The following ZDHHC11 variants were observed in gnomAD, a reference collection of about 807,000 sequenced individuals.
ZDHHC11 encodes zDHHC palmitoyltransferase 11.
ZDHHC11 carries 44 observed loss-of-function variants against 51.3 expected under a neutral mutation model. The observed-to-expected ratio is 0.86, with a 90% CI of 0.67 to 1.10. ZDHHC11 has a LOEUF of 1.10. Among genes scored for constraint, ZDHHC11 ranks in the 50% least tolerant of loss-of-function variants. The pLI is 0.00. For missense variants in ZDHHC11, 400 were observed against 537.7 expected (o/e 0.74, Z 2.53); for synonymous variants, 163 against 222.0 (o/e 0.73, Z 2.36).
At chr5:857,336 T>G (rs1748397515) in intron 1 of ZDHHC11, among the ~76,000 whole-genome samples, 3 of 152,108 alleles carry the variant, frequency 2.0e-5, no homozygotes, top group Non-Finnish European at 4.4e-5. Context: ...AGACTGGGAC[T>G]CCATCCTTCT....
At chr5:800,406 A>G (rs1216900683) in intron 12 of ZDHHC11, among the ~76,000 whole-genome samples, 2 of 150,584 alleles carry the variant, frequency 1.3e-5, no homozygotes, top group African/African-American at 4.9e-5. Flanking sequence ...AGCCAAGGTA[A>G]CACCTTAGAG....
At chr5:815,147 TTA>T (rs1415268768) in intron 10 of ZDHHC11, among the ~76,000 whole-genome samples, 1 of 151,190 alleles carries the variant, frequency 6.6e-6, no homozygotes, top group Non-Finnish European at 1.5e-5. Context: ...GAAGGGGAGA[TTA>T]TGACAGAGAC....
chr5:798,135 T>C (rs1192296140), intron 12 of ZDHHC11, among the ~76,000 whole-genome samples: 5 of 149,976 alleles, frequency 3.3e-5, no homozygotes, highest in Non-Finnish European at 5.9e-5. Flanking sequence ...GGTACCGCCC[T>C]CTGGGGGCCC....
In ZDHHC11 at chr5:850,776, T is replaced by A; in HGVS notation, c.-174A>T. ...CCCGCAGAGGGAGCAGGGGCTGGGC[T>A]GGAGTCGGTGCAGGGCCCCGCCCAG... On this transcript the variant is annotated 5_prime_UTR_variant, in exon 1 of 13. Transcript: ENST00000283441. 2.5e-6 allele frequency: 2 copies of A among 789,504 alleles called. No homozygotes were observed. The highest frequency in any genetic ancestry group is 3.9e-6 in the Non-Finnish European group (2 of 506,902). The allele number at this position is 789,504 out of a possible 1,614,324, so 48.9% of individuals were successfully genotyped here.
At chr5:800,127 G>A (rs1738203262) in intron 12 of ZDHHC11, among the ~76,000 whole-genome samples, 1 of 151,308 alleles carries the variant, frequency 6.6e-6, no homozygotes, top group Non-Finnish European at 1.5e-5. Flanking sequence ...GTGCTGCTGG[G>A]AGACCTTGAC....
At chr5:822,632 T>C (rs1419974255) in intron 8 of ZDHHC11, among the ~76,000 whole-genome samples, 1 of 151,376 alleles carries the variant, frequency 6.6e-6, no homozygotes, top group African/African-American at 2.4e-5. Context: ...AGACTTCCAG[T>C]TCTCCAAACT....
At chr5:801,901 C>T (rs1313257786) in intron 11 of ZDHHC11, among the ~76,000 whole-genome samples, 1 of 151,398 alleles carries the variant, frequency 6.6e-6, no homozygotes, top group Non-Finnish European at 1.5e-5. Flanking sequence ...TGATCCAATC[C>T]TTAAAAATTA....
intron 1 of ZDHHC11, 165 bp downstream of exon 1, chr5:850,216 C>G (rs1389433019): frequency 2.7e-6 from 2 of 753,048 alleles, no homozygotes; most frequent in South Asian, 1.8e-5. Context: ...CTGCACAGAG[C>G]ATGAGTGGCC....
At chr5:843,957 G>GCAGGGGC (rs1330427256) in intron 3 of ZDHHC11, among the ~76,000 whole-genome samples, 1 of 86,232 alleles carries the variant, frequency 1.2e-5, no homozygotes, top group Admixed American at 1.1e-4. Context: ...CAGGGCAGGT[G>GCAGGGGC]GGGGGTGCAG....
intron 4 of ZDHHC11, chr5:841,583 C>G (rs1208381544): frequency 8.0e-6 from 8 of 1,000,712 alleles, no homozygotes; most frequent in Non-Finnish European, 9.5e-6. Context: ...CTGCCAGGCC[C>G]CAGCACCCAT....
Position 840,659 on chromosome 5 carries a change from A to T in ZDHHC11, c.629-9T>A. The T allele has an allele frequency of 6.2e-7, 1 of 1,613,640 alleles. No individual in the cohort carries two copies. Among genetic ancestry groups the T allele is most frequent in the Admixed American group, 1.7e-5 (1 of 60,024 alleles). On this transcript the variant is annotated splice_polypyrimidine_tract_variant and intron_variant, in intron 4 of 12. Coordinates refer to ENST00000283441, the MANE Select transcript of ZDHHC11 (RefSeq NM_024786.3). ...GTTCATATTCTTGACATCTGGGGAGACAAGGGAGAGCCACTGTGTCCAGCA... is the reference window on the plus strand; with the variant it reads ...GTTCATATTCTTGACATCTGGGGAGTCAAGGGAGAGCCACTGTGTCCAGCA...
intron 9 of ZDHHC11, among the ~76,000 whole-genome samples, chr5:819,860 C>T (rs768321515): frequency 2.0e-4 from 30 of 151,276 alleles, no homozygotes; most frequent in Non-Finnish European, 1.0e-4. Flanking sequence ...AGCAGTACCT[C>T]CCTGAAGTCT....
intron 4 of ZDHHC11, among the ~76,000 whole-genome samples, chr5:843,099 A>G: frequency 6.6e-6 from 1 of 152,388 alleles, no homozygotes; most frequent in East Asian, 1.9e-4. Flanking sequence ...ACGTCTCTCC[A>G]GTGGCTCAGT....
intron 7 of ZDHHC11, among the ~76,000 whole-genome samples, chr5:828,043 C>T (rs1742528115): frequency 2.0e-5 from 3 of 151,336 alleles, no homozygotes; most frequent in African/African-American, 7.3e-5. Context: ...TTTCAGAGAG[C>T]ACAGGGTTGG....
Position 843,725 on chromosome 5 carries a change from C to A in ZDHHC11, c.504-1G>T. The A allele has an allele frequency of 6.3e-7, 1 of 1,575,852 alleles. No homozygotes were observed. On this transcript the variant is annotated splice_acceptor_variant, in intron 3 of 12. Coordinates refer to ENST00000283441, the MANE Select transcript of ZDHHC11 (RefSeq NM_024786.3). LOFTEE classifies it high-confidence loss of function. ...CGAGGCCACAGTGCTGAAGAAGAAC[C>A]TGCCGGGAGACACACAGGCAGGCAT... is the stretch of plus-strand genomic sequence containing the variant.
chr5:838,410 C>T (rs1744229535), intron 5 of ZDHHC11, among the ~76,000 whole-genome samples: 1 of 152,120 alleles, frequency 6.6e-6, no homozygotes, highest in African/African-American at 2.4e-5. Context: ...GTGACTATTT[C>T]TGGAGACTGG....
intron 11 of ZDHHC11, among the ~76,000 whole-genome samples, chr5:809,019 AC>A (rs1561236970): frequency 2.0e-5 from 3 of 148,278 alleles, no homozygotes; most frequent in Non-Finnish European, 4.5e-5. Flanking sequence ...ACACACGCAC[AC>A]TATTTATTCC....
chr5:844,809 C>T (rs531297755), intron 3 of ZDHHC11, among the ~76,000 whole-genome samples: 199 of 152,310 alleles, frequency 1.3e-3, no homozygotes, highest in African/African-American at 4.6e-3. Context: ...GACGTGAGAC[C>T]AAATCCACTC....
intron 3 of ZDHHC11, among the ~76,000 whole-genome samples, chr5:844,875 A>G (rs1745872013): frequency 6.6e-6 from 1 of 152,298 alleles, no homozygotes; most frequent in South Asian, 2.1e-4. Context: ...ACAAAAACCA[A>G]TTCTGGGCAG....
Sources: gnomAD v4.1 joint callset for allele counts (sites outside exome capture counted in the v4.1 genomes callset) on GRCh38, gnomAD v4.1.1 for gene constraint, MANE v1.5 for transcripts, NCBI Gene and HGNC (gene_info 2026-07-23, HGNC 2026-07-21) for gene names.